The following CRAMP1 variants were observed in gnomAD, a reference collection of about 807,000 sequenced individuals.
The protein encoded by CRAMP1 is cramped chromatin regulator 1.
Under a neutral mutation model 115.4 loss-of-function variants are expected in CRAMP1, and 50 were observed. The observed-to-expected ratio is 0.43, with a 90% CI of 0.35 to 0.55. The LOEUF (loss-of-function observed/expected upper bound fraction) is 0.55. CRAMP1 is among the 20% of genes least tolerant of loss of function. The pLI is 0.01. For missense variants in CRAMP1, 1,679 were observed against 1,721.7 expected (o/e 0.98, Z 0.44); for synonymous variants, 866 against 745.4 (o/e 1.16, Z -2.64).
intron 2 of CRAMP1, chr16:1,625,691 T>A (rs1400836834): frequency 9.6e-6 from 3 of 313,524 alleles, no homozygotes; most frequent in Non-Finnish European, 1.8e-5. Flanking sequence ...ACAGGGCGTC[T>A]TAGGCTGCAG....
chr16:1,628,573 A>G (rs2036525023), intron 3 of CRAMP1, among the ~76,000 whole-genome samples: 1 of 152,158 alleles, frequency 6.6e-6, no homozygotes, highest in East Asian at 1.9e-4. Context: ...TCATTTCTGC[A>G]TTGTGTGTCT....
intron 6 of CRAMP1, among the ~76,000 whole-genome samples, chr16:1,647,317 T>G (rs1270004519): frequency 6.6e-6 from 1 of 152,212 alleles, no homozygotes; most frequent in Admixed American, 6.5e-5. Context: ...CTTATTAGAT[T>G]TATCAAGTGG....
At chr16:1,621,813 C>A (rs1182184431) in intron 2 of CRAMP1, among the ~76,000 whole-genome samples, 2 of 152,174 alleles carry the variant, frequency 1.3e-5, no homozygotes, top group Non-Finnish European at 2.9e-5. Context: ...CCACACTCAG[C>A]CTCTGTGGGC....
chr16:1,641,699 C>A (rs145751867), intron 6 of CRAMP1, among the ~76,000 whole-genome samples: 6 of 152,198 alleles, frequency 3.9e-5, no homozygotes, highest in Non-Finnish European at 7.3e-5. Flanking sequence ...ACAACCGGGC[C>A]CCTGATGGTC....
rs192041782 is a variant in CRAMP1 at position 1,644,225 on chromosome 16, G to A, written c.827+3038G>A. Reference sequence around the variant, plus strand: ...TCTCTGGGCCCCAGCCTCACCTGTCGTATTGTCATCCTCCAGAGAGGTGTG... The same window carrying A: ...TCTCTGGGCCCCAGCCTCACCTGTCATATTGTCATCCTCCAGAGAGGTGTG... On this transcript the variant is annotated intron_variant, in intron 6 of 20. Coordinates refer to ENST00000397412, the MANE Select transcript of CRAMP1 (RefSeq NM_020825.4). 2.9e-3 allele frequency among the ~76,000 whole-genome samples: 446 copies of A among 152,318 alleles called. 4 individuals are homozygous for A. Among genetic ancestry groups the A allele is most frequent in the South Asian group, 0.02 (96 of 4,822 alleles).
chr16:1,638,086 C>T (rs79583741), intron 5 of CRAMP1, among the ~76,000 whole-genome samples, 179 bp downstream of exon 5: 3,357 of 152,288 alleles, frequency 0.022, 233 homozygotes, highest in Admixed American at 0.13. Context: ...CTGTTGCTGA[C>T]GTTGGCTACA....
At chr16:1,640,691 G>T (rs1385266162) in intron 5 of CRAMP1, among the ~76,000 whole-genome samples, 2 of 152,226 alleles carry the variant, frequency 1.3e-5, no homozygotes, top group African/African-American at 4.8e-5. Context: ...GTGCCTTGGG[G>T]GTTCCACACT....
chr16:1,656,137 G>T lies in CRAMP1; in HGVS notation c.1380G>T (p.Gln460His), dbSNP rs1487337214. The T allele has an allele frequency of 6.2e-7, 1 of 1,608,450 alleles. No homozygotes were observed. Among genetic ancestry groups the T allele is most frequent in the Non-Finnish European group, 8.5e-7 (1 of 1,178,158 alleles). Reference sequence around the variant, plus strand: ...GTGGGCAGGGCACGGCCCGGGGCCAGGTGAAATGCCCGCGGAGCGGAGCTG... The same window carrying T: ...GTGGGCAGGGCACGGCCCGGGGCCATGTGAAATGCCCGCGGAGCGGAGCTG... ...IQSGQGTARG[Q>H]VKCPRSGAEG... Residue 460 changes from glutamine to histidine, a missense_variant, in exon 10 of 21, where the codon CAG (glutamine) becomes CAT (histidine). This residue lies in a region of CRAMP1 where 191 missense variants were observed against 236.2 expected (regional missense o/e 0.81). Transcript: ENST00000397412. The surrounding 1 kb of genome is among the most constrained non-coding windows in gnomAD (Gnocchi z 5.6).
rs1567444604 is a variant in CRAMP1 at position 1,614,597 on chromosome 16, C to T, written c.-1-42C>T. On this transcript the variant is annotated intron_variant, in intron 1 of 20. Transcript: ENST00000397412. The surrounding 1 kb of genome is among the most constrained non-coding windows in gnomAD (Gnocchi z 4.4). ...CGTCGGGGCCGCTAAACTTCCCGGC[C>T]TGCGCCCGCCTCACCGGCCGCCTCC... 4 of 1,185,020 alleles carry T rather than the reference C, an allele frequency of 3.4e-6. No individual in the cohort carries two copies. The highest frequency in any genetic ancestry group is 4.2e-6 in the Non-Finnish European group (4 of 945,802). The allele number at this position is 1,185,020 out of a possible 1,614,324, so 73.4% of individuals were successfully genotyped here. A position where few individuals can be genotyped will look rare whatever the true frequency, so the allele number is the denominator to read the frequency against.
chr16:1,672,891 C>T lies in CRAMP1; in HGVS notation c.3646-990C>T, dbSNP rs1170277446. Among the ~76,000 whole-genome samples the T allele has an allele frequency of 6.6e-6, 1 of 152,264 alleles. No individual in the cohort carries two copies. The highest frequency in any genetic ancestry group is 1.5e-5 in the Non-Finnish European group (1 of 68,052). On this transcript the variant is annotated intron_variant, in intron 20 of 20. Coordinates refer to ENST00000397412, the MANE Select transcript of CRAMP1 (RefSeq NM_020825.4). This position sits in a 1 kb window ranked among gnomAD's most constrained non-coding sequence, Gnocchi z 4.9. Reference sequence around the variant, plus strand: ...ACTCTGTCATGGCCACCACCTTGGTCGTGCTTTTCAGTCAAAGCCTCTTCC... The same window carrying T: ...ACTCTGTCATGGCCACCACCTTGGTTGTGCTTTTCAGTCAAAGCCTCTTCC...
intron 11 of CRAMP1, among the ~76,000 whole-genome samples, chr16:1,661,661 T>C (rs2036831145): frequency 6.7e-6 from 1 of 150,300 alleles, no homozygotes; most frequent in African/African-American, 2.5e-5. Context: ...AGTGGCGTGA[T>C]CTCAGCTCAC....
rs1408941516 is a variant in CRAMP1 at position 1,626,062 on chromosome 16, T to A, written c.436T>A (p.Leu146Ile). The change falls in exon 3 of 21, where the codon TTA (leucine) becomes ATA (isoleucine). Residue 146 changes from leucine to isoleucine, a missense_variant. Leu to Ile is a conservative substitution (Grantham distance 5, BLOSUM62 2). This residue lies in a region of CRAMP1 where 264 missense variants were observed against 229.7 expected (regional missense o/e 1.15). Transcript: ENST00000397412. Reference protein sequence around the residue: ...AGGSRSSSRNLGSSGGEKEEG... With the variant: ...AGGSRSSSRNIGSSGGEKEEG... Reference sequence around the variant, plus strand: ...GGGCTCGCGCTCCTCCTCCCGGAACTTAGGGTCTTCTGGTGGCGAGAAGGA... The same window carrying A: ...GGGCTCGCGCTCCTCCTCCCGGAACATAGGGTCTTCTGGTGGCGAGAAGGA... 1.3e-6 allele frequency: 2 copies of A among 1,551,354 alleles called. No homozygotes were observed. Among genetic ancestry groups the A allele is most frequent in the South Asian group, 1.2e-5 (1 of 84,036 alleles).
At chr16:1,659,413 C>T (rs918340167) in intron 10 of CRAMP1, among the ~76,000 whole-genome samples, 19 of 151,016 alleles carry the variant, frequency 1.3e-4, no homozygotes, top group African/African-American at 4.4e-4. Flanking sequence ...TTTTTTGAGA[C>T]GGAATCTTGC....
At chr16:1,620,685 C>G (rs2036458969) in intron 2 of CRAMP1, 2 of 456,598 alleles carry the variant, frequency 4.4e-6, no homozygotes, top group Non-Finnish European at 8.8e-6. Flanking sequence ...TAGCCGCGTG[C>G]CTTTCGGTGA....
chr16:1,656,980 C>T lies in CRAMP1; in HGVS notation c.2223C>T (p.Val741=), dbSNP rs1054507147. The change falls in exon 10 of 21, where the codon GTC becomes GTT. Residue 741 remains valine, a synonymous_variant. Transcript: ENST00000397412. The surrounding 1 kb of genome is among the most constrained non-coding windows in gnomAD (Gnocchi z 5.6). The part of the protein sequence containing the change: ...SCLLKLISTE[V]NPKLALEANT... ...TCCTGAAGCTCATTTCCACCGAGGT[C>T]AACCCCAAGCTGGTGAGTGGGTTGG... The T allele has an allele frequency of 2.0e-6, 3 of 1,532,840 alleles. No homozygotes were observed. The highest frequency in any genetic ancestry group is 2.6e-6 in the Non-Finnish European group (3 of 1,137,900). 95.0% of individuals were successfully genotyped at this position (1,532,840 alleles called of 1,614,324 possible).
In CRAMP1 at chr16:1,675,853, C is replaced by G. The variant is rs1408766625; in HGVS notation, c.*1808C>G. 2 of 152,282 alleles carry G rather than the reference C, an allele frequency of 1.3e-5. No homozygotes were observed. Among genetic ancestry groups the G allele is most frequent in the Admixed American group, 6.5e-5 (1 of 15,278 alleles). The allele number at this position is 152,282 out of a possible 1,614,324, so 9.4% of individuals were successfully genotyped here. A position where few individuals can be genotyped will look rare whatever the true frequency, so the allele number is the denominator to read the frequency against. On this transcript the variant is annotated 3_prime_UTR_variant, in exon 21 of 21. Transcript: ENST00000397412. Reference sequence around the variant, plus strand: ...ACATGCCACTTGATTAGGAGAGAGACAGCAGTGTTTGAACTACAGCATCTT... The same window carrying G: ...ACATGCCACTTGATTAGGAGAGAGAGAGCAGTGTTTGAACTACAGCATCTT...
chr16:1,668,290 AT>A, intron 18 of CRAMP1, 97 bp downstream of exon 18: 1 of 955,494 alleles, frequency 1.0e-6, no homozygotes. Context: ...CAGTTTTGTG[AT>A]TTTTACGAAT....
At chr16:1,620,035 G>A (rs1334968147) in intron 2 of CRAMP1, among the ~76,000 whole-genome samples, 1 of 152,116 alleles carries the variant, frequency 6.6e-6, no homozygotes, top group Non-Finnish European at 1.5e-5. Context: ...GCTGGGTAGG[G>A]GAGGCTCAGA....
chr16:1,662,329 C>G (rs1172191542), intron 11 of CRAMP1, 161 bp from the exon 12 acceptor site: 7 of 616,842 alleles, frequency 1.1e-5, no homozygotes, highest in Non-Finnish European at 2.0e-5. Context: ...GATAGAAAAT[C>G]AGTCTTTATG....
Sources: allele counts gnomAD v4.1 joint callset (sites outside exome capture counted in the v4.1 genomes callset), GRCh38; gene constraint gnomAD v4.1.1; regional missense constraint gnomAD v4.1.1; non-coding constraint Gnocchi (gnomAD v3.1); transcripts MANE v1.5; gene names NCBI Gene and HGNC (gene_info 2026-07-23, HGNC 2026-07-21).